The following GRID1 variants were observed in gnomAD, a reference collection of about 807,000 sequenced individuals.
GRID1 encodes glutamate receptor ionotropic, delta-1.
GRID1 carries 28 observed loss-of-function variants against 98.0 expected under a neutral mutation model. The ratio of observed to expected loss-of-function variants is 0.29; its 90% CI spans 0.21 to 0.39. GRID1 has a LOEUF of 0.39. Ranked by LOEUF, GRID1 falls within the 10% of genes least tolerant of loss-of-function variation. The probability of loss-of-function intolerance (pLI) is 1.00; values close to 1 mark genes in which losing one functional copy is unlikely to be tolerated. For missense variants in GRID1, 1,111 were observed against 1,340.5 expected (o/e 0.83, Z 2.67); for synonymous variants, 553 against 538.5 (o/e 1.03, Z -0.37).
intron 4 of GRID1, among the ~76,000 whole-genome samples, chr10:86,061,803 AC>A (rs1843652858): frequency 6.6e-6 from 1 of 152,092 alleles, no homozygotes; most frequent in Non-Finnish European, 1.5e-5. Context: ...TCTCTATGTC[AC>A]GAGCCTGTTC....
At chr10:85,863,849 G>A (rs751529937) in intron 6 of GRID1, among the ~76,000 whole-genome samples, 1 of 152,172 alleles carries the variant, frequency 6.6e-6, no homozygotes, top group Admixed American at 6.5e-5. Context: ...CCTAGTATTT[G>A]TTATGCTCTG....
Position 85,601,117 on chromosome 10 carries a change from C to T in GRID1, c.*1156G>A, listed in dbSNP as rs1842568238. The T allele has an allele frequency of 6.6e-6, 1 of 152,344 alleles. No homozygotes were observed. Among genetic ancestry groups the T allele is most frequent in the Admixed American group, 6.5e-5 (1 of 15,280 alleles). The allele number at this position is 152,344 out of a possible 1,614,324, so 9.4% of individuals were successfully genotyped here. A position where few individuals can be genotyped will look rare whatever the true frequency, so the allele number is the denominator to read the frequency against. The stretch of plus-strand genomic sequence containing the variant: ...CTAAGGCGCAAGGCAAGGCTTCCTC[C>T]TACCCAAATAAACATGGTCTCTTTT... On this transcript the variant is annotated 3_prime_UTR_variant, in exon 16 of 16. Transcript: ENST00000327946.
chr10:86,244,296 G>A (rs769292085), intron 2 of GRID1, among the ~76,000 whole-genome samples: 4 of 152,150 alleles, frequency 2.6e-5, no homozygotes, highest in Non-Finnish European at 4.4e-5. Context: ...GCAGAGTTGC[G>A]GGGCCTGCTG....
At chr10:86,233,783 C>T (rs904224684) in intron 2 of GRID1, among the ~76,000 whole-genome samples, 4 of 152,110 alleles carry the variant, frequency 2.6e-5, no homozygotes, top group South Asian at 2.1e-4. Context: ...CTCTAGGGAA[C>T]GTGACTGGAG....
intron 8 of GRID1, among the ~76,000 whole-genome samples, chr10:85,846,143 A>C (rs1843003147): frequency 6.6e-6 from 1 of 152,240 alleles, no homozygotes; most frequent in Non-Finnish European, 1.5e-5. Context: ...ACCACTAAGA[A>C]TTCAGTCACA....
chr10:85,723,976 T>G (rs961021069), intron 11 of GRID1, among the ~76,000 whole-genome samples: 3 of 152,178 alleles, frequency 2.0e-5, no homozygotes, highest in African/African-American at 7.2e-5. Flanking sequence ...CTTAAATGAT[T>G]GCAATACAAT....
At position 85,621,645 on chromosome 10, in the gene GRID1, A is replaced by C. The variant is rs1457430512; in HGVS notation, c.2194-1612T>G. On this transcript the variant is annotated intron_variant, in intron 13 of 15. Coordinates refer to ENST00000327946, the MANE Select transcript of GRID1 (RefSeq NM_017551.3). The stretch of plus-strand genomic sequence containing the variant: ...ACACCTGTGCCACTCATTGACTTTC[A>C]CCTCGAGGAGCAATCCAAATATTAC... Among the ~76,000 whole-genome samples the C allele has an allele frequency of 2.6e-5, 4 of 152,186 alleles. No homozygotes were observed. In the East Asian group the frequency reaches 7.7e-4, roughly 29 times the overall value.
chr10:86,342,751 C>G (rs553128358), intron 2 of GRID1, among the ~76,000 whole-genome samples: 1 of 152,354 alleles, frequency 6.6e-6, no homozygotes, highest in Admixed American at 6.5e-5. Context: ...GCATACCCCT[C>G]AGCATTGAGG....
At chr10:86,151,322 T>G (rs1273888164) in intron 3 of GRID1, among the ~76,000 whole-genome samples, 1 of 152,258 alleles carries the variant, frequency 6.6e-6, no homozygotes, top group Admixed American at 6.5e-5. Flanking sequence ...TACCAGAGTA[T>G]GCCCATTTCA....
intron 5 of GRID1, among the ~76,000 whole-genome samples, chr10:85,877,631 C>A (rs1203040633): frequency 6.6e-6 from 1 of 151,808 alleles, no homozygotes; most frequent in African/African-American, 2.4e-5. Flanking sequence ...ACGTCACCAT[C>A]ATCAAAGACC....
intron 5 of GRID1, among the ~76,000 whole-genome samples, chr10:85,903,246 T>G (rs1424326707): frequency 6.6e-6 from 1 of 152,136 alleles, no homozygotes; most frequent in Non-Finnish European, 1.5e-5. Flanking sequence ...CCTGAAATAT[T>G]CAATCTCCTC....
At chr10:86,170,451 T>C (rs1394830468) in intron 3 of GRID1, among the ~76,000 whole-genome samples, 2 of 152,234 alleles carry the variant, frequency 1.3e-5, no homozygotes, top group African/African-American at 2.4e-5. Flanking sequence ...CTGCCCTCCA[T>C]AGGCCCCATC....
Position 86,024,209 on chromosome 10 carries a change from G to A in GRID1, c.727-107970C>T, listed in dbSNP as rs545043124. On this transcript the variant is annotated intron_variant, in intron 4 of 15. Transcript: ENST00000327946. The stretch of plus-strand genomic sequence containing the variant: ...ATGCAGAGACAGCCAGACCTGGTTA[G>A]CATCCGCAAAATAACTTGCTTATTT... Among the ~76,000 whole-genome samples, 12 of 152,276 alleles carry A rather than the reference G, an allele frequency of 7.9e-5. No individual in the cohort carries two copies. The East Asian group carries it at 2.3e-3, about 29-fold the overall frequency.
chr10:86,295,584 A>G (rs557704254), intron 2 of GRID1, among the ~76,000 whole-genome samples: 104 of 152,266 alleles, frequency 6.8e-4, no homozygotes, highest in African/African-American at 2.5e-3. Flanking sequence ...AGATGCGGAA[A>G]GAGAGGGGAA....
chr10:85,679,822 T>G (rs1288694487), intron 12 of GRID1, among the ~76,000 whole-genome samples: 3 of 152,096 alleles, frequency 2.0e-5, no homozygotes, highest in Non-Finnish European at 4.4e-5. Context: ...TCTGTAACAG[T>G]CAGTGGGGGG....
intron 12 of GRID1, among the ~76,000 whole-genome samples, chr10:85,710,983 G>A (rs761633884): frequency 6.6e-5 from 10 of 151,874 alleles, no homozygotes; most frequent in South Asian, 2.1e-4. Flanking sequence ...AACAAGTGTC[G>A]GCAACAATTT....
chr10:85,613,820 T>G (rs1842760169), intron 14 of GRID1, among the ~76,000 whole-genome samples, 173 bp from the exon 15 acceptor site: 1 of 152,206 alleles, frequency 6.6e-6, no homozygotes. Context: ...GCAGGTAAAG[T>G]GTTATTCCCA....
chr10:86,224,885 CG>C (rs1282517176), intron 2 of GRID1, among the ~76,000 whole-genome samples: 1 of 152,190 alleles, frequency 6.6e-6, no homozygotes, highest in African/African-American at 2.4e-5. Flanking sequence ...TCAGCTCAGC[CG>C]GGGCATTATC....
chr10:85,614,811 C>G (rs1045219743), intron 14 of GRID1, among the ~76,000 whole-genome samples: 1 of 152,192 alleles, frequency 6.6e-6, no homozygotes, highest in African/African-American at 2.4e-5. Context: ...TGCTTCTATA[C>G]TCCCCATTGT....
Sources: gnomAD v4.1 joint callset for allele counts (sites outside exome capture counted in the v4.1 genomes callset) on GRCh38, gnomAD v4.1.1 for gene constraint, MANE v1.5 for transcripts, NCBI Gene and HGNC (gene_info 2026-07-23, HGNC 2026-07-21) for gene names.